The following EXOC4 variants were observed in gnomAD, a reference collection of about 807,000 sequenced individuals.
EXOC4 encodes exocyst complex component 4.
A neutral mutation model predicts 107.2 loss-of-function variants in EXOC4; 71 were observed. That is an observed-to-expected ratio of 0.66 (90% confidence interval 0.55 to 0.81). The LOEUF (loss-of-function observed/expected upper bound fraction) is 0.81, where lower values mean the gene tolerates loss of function less well. EXOC4 is among the 30% of genes least tolerant of loss of function. The pLI is 0.00. For missense variants in EXOC4, 1,108 were observed against 1,189.6 expected, an observed-to-expected ratio of 0.93 and a Z score of 1.01; for synonymous variants, 456 against 441.2, an observed-to-expected ratio of 1.03 and a Z score of -0.42.
At chr7:134,077,007 TGAG>T in the EXOC4 span, among the ~76,000 whole-genome samples, 7 of 151,460 alleles carry the variant, frequency 4.6e-5, no homozygotes, top group East Asian at 1.2e-3. Flanking sequence ...GAGAGAGAGA[TGAG>T]GAGACAGAAT....
intron 11 of EXOC4, among the ~76,000 whole-genome samples, chr7:133,881,253 C>T (rs115814938): frequency 0.013 from 1,967 of 151,956 alleles, 44 homozygotes; most frequent in African/African-American, 0.04. Context: ...CACCTGATCA[C>T]GCATACATAC....
chr7:133,403,426 T>A (rs1448109961), intron 7 of EXOC4, among the ~76,000 whole-genome samples: 1 of 152,238 alleles, frequency 6.6e-6, no homozygotes, highest in Non-Finnish European at 1.5e-5. Context: ...CCATCATGTT[T>A]GACCCAGAGC....
chr7:133,296,621 A>G (rs758053375), intron 3 of EXOC4, among the ~76,000 whole-genome samples: 2 of 151,798 alleles, frequency 1.3e-5, no homozygotes, highest in Non-Finnish European at 2.9e-5. Context: ...TTTTATTTAT[A>G]TTTGTTTTTG....
At chr7:133,711,726 C>T (rs980613047) in intron 10 of EXOC4, among the ~76,000 whole-genome samples, 3 of 152,120 alleles carry the variant, frequency 2.0e-5, no homozygotes, top group Non-Finnish European at 2.9e-5. Context: ...TTAGTTTTTT[C>T]CTAGCAGGAA....
chr7:133,654,800 G>C (rs1430833658), intron 10 of EXOC4, among the ~76,000 whole-genome samples: 2 of 152,138 alleles, frequency 1.3e-5, no homozygotes, highest in African/African-American at 4.8e-5. Context: ...CGCCTAGGCT[G>C]TATGGTATAG....
intron 11 of EXOC4, among the ~76,000 whole-genome samples, chr7:133,857,353 A>T (rs1198307292): frequency 2.2e-5 from 1 of 46,480 alleles, no homozygotes; most frequent in Non-Finnish European, 3.9e-5. Context: ...ATATATATAT[A>T]TATATATATA....
chr7:133,832,172 A>G (rs147777081), intron 11 of EXOC4, among the ~76,000 whole-genome samples: 5 of 152,330 alleles, frequency 3.3e-5, no homozygotes, highest in Non-Finnish European at 5.9e-5. Flanking sequence ...CTTATGGACT[A>G]TACTCATTTC....
chr7:134,050,747 C>G (rs951942435), intron 17 of EXOC4, among the ~76,000 whole-genome samples: 1 of 152,028 alleles, frequency 6.6e-6, no homozygotes, highest in Non-Finnish European at 1.5e-5. Context: ...GAATACAGGT[C>G]AAGTCTTTAA....
intron 9 of EXOC4, among the ~76,000 whole-genome samples, chr7:133,627,519 G>A (rs982609057): frequency 6.6e-6 from 1 of 152,148 alleles, no homozygotes; most frequent in Non-Finnish European, 1.5e-5. Flanking sequence ...TGTTCCTGAA[G>A]TGTGGAATAT....
At chr7:133,686,568 A>G (rs1334266908) in intron 10 of EXOC4, among the ~76,000 whole-genome samples, 1 of 152,216 alleles carries the variant, frequency 6.6e-6, no homozygotes, top group East Asian at 1.9e-4. Flanking sequence ...AAGGACATGG[A>G]CAGTTCTCAA....
intron 9 of EXOC4, among the ~76,000 whole-genome samples, chr7:133,606,974 C>G (rs1046110999): frequency 6.6e-5 from 10 of 152,124 alleles, no homozygotes; most frequent in Admixed American, 2.6e-4. Flanking sequence ...TTTATAGACC[C>G]TAGGATTGTC....
chr7:133,334,881 T>C (rs1289345939), intron 5 of EXOC4, among the ~76,000 whole-genome samples: 1 of 152,220 alleles, frequency 6.6e-6, no homozygotes, highest in Non-Finnish European at 1.5e-5. Context: ...GCTCCATCCA[T>C]GTCCCTGCAA....
At chr7:133,618,981 A>G (rs961520440) in intron 9 of EXOC4, among the ~76,000 whole-genome samples, 3 of 152,034 alleles carry the variant, frequency 2.0e-5, no homozygotes, top group African/African-American at 7.2e-5. Context: ...TGGAAGACTG[A>G]TTTTGATTTT....
intron 1 of EXOC4, among the ~76,000 whole-genome samples, chr7:133,258,094 T>C (rs1221245341): frequency 2.0e-5 from 3 of 152,242 alleles, no homozygotes; most frequent in African/African-American, 7.2e-5. Flanking sequence ...TAGCTCTCTT[T>C]GTACCCTGGG....
At chr7:133,806,037 T>G (rs573856776) in intron 10 of EXOC4, among the ~76,000 whole-genome samples, 1 of 152,358 alleles carries the variant, frequency 6.6e-6, no homozygotes, top group Admixed American at 6.5e-5. Context: ...ATTCATAGCA[T>G]GTGCTAAGTG....
At chr7:133,916,850 A>G (rs1465304522) in intron 12 of EXOC4, among the ~76,000 whole-genome samples, 1 of 152,182 alleles carries the variant, frequency 6.6e-6, no homozygotes, top group East Asian at 1.9e-4. Flanking sequence ...AGTTACAGTG[A>G]CACATGTTGA....
chr7:134,053,677 A>T (rs1056158866), intron 17 of EXOC4, among the ~76,000 whole-genome samples: 25 of 151,658 alleles, frequency 1.6e-4, no homozygotes, highest in African/African-American at 6.0e-4. Flanking sequence ...CTTGATGAGG[A>T]TGGAGCAAGT....
intron 9 of EXOC4, among the ~76,000 whole-genome samples, chr7:133,616,105 T>A (rs1347385374): frequency 6.6e-6 from 1 of 152,184 alleles, no homozygotes; most frequent in Non-Finnish European, 1.5e-5. Flanking sequence ...AGGAACAGTG[T>A]CCTGTTTTCT....
intron 9 of EXOC4, among the ~76,000 whole-genome samples, chr7:133,546,965 C>G (rs4731963): frequency 1 from 151,566 of 152,310 alleles, 75,420 homozygotes; most frequent in East Asian, 1. Context: ...TAAGAGCCAA[C>G]GAGGAAAAAC....
Sources: allele counts gnomAD v4.1 joint callset (sites outside exome capture counted in the v4.1 genomes callset), GRCh38; gene constraint gnomAD v4.1.1; transcripts MANE v1.5; gene names NCBI Gene and HGNC (gene_info 2026-07-23, HGNC 2026-07-21).